The following RGS13 variants were observed in gnomAD, a reference collection of about 807,000 sequenced individuals.
RGS13 encodes the protein regulator of G-protein signalling 13.
Under a neutral mutation model 19.9 loss-of-function variants are expected in RGS13, and 14 were observed. The ratio of observed to expected loss-of-function variants is 0.70; its 90% CI spans 0.46 to 1.10. The LOEUF is 1.10. Among genes scored for constraint, RGS13 ranks in the 50% least tolerant of loss-of-function variants. The probability of loss-of-function intolerance (pLI) is 0.00; values close to 1 mark genes in which losing one functional copy is unlikely to be tolerated. For missense variants in RGS13, 205 were observed against 187.1 expected (o/e 1.10, Z -0.56); for synonymous variants, 60 against 56.8 (o/e 1.06, Z -0.25).
chr1:192,645,205 T>C (rs1288433851), intron 4 of RGS13: 1 of 152,180 alleles, frequency 6.6e-6, no homozygotes, highest in Non-Finnish European at 1.5e-5. Flanking sequence ...AGGACAAAGG[T>C]ATAATCTGCT....
chr1:192,654,870 A>C (rs1477312201), intron 5 of RGS13, among the ~76,000 whole-genome samples: 1 of 152,046 alleles, frequency 6.6e-6, no homozygotes, highest in Non-Finnish European at 1.5e-5. Flanking sequence ...TTAAGGGAAA[A>C]GTATACACTA....
chr1:192,659,632 C>G lies in RGS13; in HGVS notation c.*109C>G. 1.3e-6 allele frequency: 1 copy of G among 765,638 alleles called. No homozygotes were observed. The highest frequency in any genetic ancestry group is 2.1e-6 in the Non-Finnish European group (1 of 477,788). The allele number at this position is 765,638 out of a possible 1,614,324, so 47.4% of individuals were successfully genotyped here. A position where few individuals can be genotyped will look rare whatever the true frequency, so the allele number is the denominator to read the frequency against. ...AACACAGTACAAATAAAACAGAAATCAAACTATAAGTTGACTTTTAGTTCC... is the reference window on the plus strand; with the variant it reads ...AACACAGTACAAATAAAACAGAAATGAAACTATAAGTTGACTTTTAGTTCC... On this transcript the variant is annotated 3_prime_UTR_variant, in exon 7 of 7. Coordinates refer to ENST00000391995, the MANE Select transcript of RGS13 (RefSeq NM_002927.5).
At chr1:192,649,121 G>A (rs1663271549) in intron 5 of RGS13, among the ~76,000 whole-genome samples, 1 of 152,116 alleles carries the variant, frequency 6.6e-6, no homozygotes, top group African/African-American at 2.4e-5. Context: ...TTTGTAGCAT[G>A]CCTTTCCAAT....
At chr1:192,639,519 T>C (rs1663070033) in intron 3 of RGS13, among the ~76,000 whole-genome samples, 3 of 152,106 alleles carry the variant, frequency 2.0e-5, no homozygotes. Context: ...GATTATATGT[T>C]GACATGTTGA....
chr1:192,644,241 T>G, intron 3 of RGS13, 90 bp from the exon 4 acceptor site: 1 of 918,524 alleles, frequency 1.1e-6, no homozygotes. Flanking sequence ...TTTTTATGAT[T>G]TATAATATTG....
intron 6 of RGS13, chr1:192,658,616 C>T: frequency 2.9e-6 from 1 of 350,404 alleles, no homozygotes; most frequent in East Asian, 4.4e-5. Flanking sequence ...AGCTTCTCCC[C>T]ATTAAATTAT....
chr1:192,640,585 G>A (rs909447242), intron 3 of RGS13, among the ~76,000 whole-genome samples: 1 of 151,920 alleles, frequency 6.6e-6, no homozygotes, highest in Admixed American at 6.6e-5. Context: ...ATTTGCAATC[G>A]GAAGAGTCCT....
At chr1:192,653,378 T>C (rs1324859329) in intron 5 of RGS13, among the ~76,000 whole-genome samples, 1 of 152,088 alleles carries the variant, frequency 6.6e-6, no homozygotes, top group Non-Finnish European at 1.5e-5. Flanking sequence ...CCATTGGGAA[T>C]GAAAAATAAT....
At chr1:192,658,939 T>A (rs1218668075) in intron 6 of RGS13, 1 of 160,798 alleles carries the variant, frequency 6.2e-6, no homozygotes, top group East Asian at 1.8e-4. Flanking sequence ...GCATATTCAG[T>A]TAAATCAACA....
chr1:192,643,536 T>A (rs958473042), intron 3 of RGS13, among the ~76,000 whole-genome samples: 2 of 151,746 alleles, frequency 1.3e-5, no homozygotes, highest in African/African-American at 4.8e-5. Flanking sequence ...TAAAACCAGA[T>A]AAGCAGCACC....
intron 3 of RGS13, among the ~76,000 whole-genome samples, chr1:192,642,491 T>G (rs866707427): frequency 6.6e-6 from 1 of 151,802 alleles, no homozygotes; most frequent in Non-Finnish European, 1.5e-5. Context: ...CCAGCTAATT[T>G]TTTTTTTCTT....
In RGS13 at chr1:192,643,102, C is replaced by T. The variant is rs144133998; in HGVS notation, c.-4-1229C>T. On this transcript the variant is annotated intron_variant, in intron 3 of 6. Coordinates refer to ENST00000391995, the MANE Select transcript of RGS13 (RefSeq NM_002927.5). ...TCTAGAACTCCTGGGCTCAAGCAATCCTCCCCGCTTCAGCCTCCCAAATTG... is the reference window on the plus strand; with the variant it reads ...TCTAGAACTCCTGGGCTCAAGCAATTCTCCCCGCTTCAGCCTCCCAAATTG... Among the ~76,000 whole-genome samples the T allele has an allele frequency of 3.7e-4, 56 of 152,186 alleles. 1 individual carries two copies. In the East Asian group the frequency reaches 0.01, roughly 28 times the overall value.
Position 192,659,349 on chromosome 1 carries a change from C to T in RGS13, c.306C>T (p.Asp102=). ...QPQSPREINI[D]SSTRETIIRN... ...ATTTCACTTTTCAGATTAACATTGACAGTTCGACAAGAGAGACTATCATCA... is the reference window on the plus strand; with the variant it reads ...ATTTCACTTTTCAGATTAACATTGATAGTTCGACAAGAGAGACTATCATCA... The change falls in exon 7 of 7, where the codon GAC becomes GAT. Residue 102 remains aspartate, a synonymous_variant. Transcript: ENST00000391995. The T allele has an allele frequency of 6.2e-7, 1 of 1,609,892 alleles. No individual in the cohort carries two copies.
intron 3 of RGS13, among the ~76,000 whole-genome samples, chr1:192,643,608 C>T (rs942989163): frequency 5.3e-5 from 8 of 152,070 alleles, no homozygotes; most frequent in African/African-American, 1.9e-4. Flanking sequence ...TTTTACTTGT[C>T]CAGTTAAAAT....
chr1:192,640,519 A>G (rs1320394324), intron 3 of RGS13, among the ~76,000 whole-genome samples: 1 of 152,190 alleles, frequency 6.6e-6, no homozygotes, highest in Non-Finnish European at 1.5e-5. Flanking sequence ...CTAACTATGC[A>G]CACAAACATA....
intron 3 of RGS13, among the ~76,000 whole-genome samples, chr1:192,641,290 G>GAAAGAAAGAAAGAAAGAAAGA: frequency 9.1e-6 from 1 of 110,444 alleles, no homozygotes; most frequent in Non-Finnish European, 2.1e-5. Context: ...AAGAAAGAAA[G>GAAAGAAAGAAAGAAAGAAAGA]AAAGAAAGAA....
At position 192,644,403 on chromosome 1, in the gene RGS13, A is replaced by T. The variant is rs1364476451; in HGVS notation, c.65+4A>T. The T allele has an allele frequency of 6.2e-7, 1 of 1,602,334 alleles. No homozygotes were observed. The highest frequency in any genetic ancestry group is 2.2e-5 in the East Asian group (1 of 44,714). On this transcript the variant is annotated splice_donor_region_variant and intron_variant, in intron 4 of 6. Transcript: ENST00000391995. Reference sequence around the variant, plus strand: ...AATCTAAGAGGCCCCCTTCAAAGTAAGTAGCATTTAAGTTTCTATGGTAAT... The same window carrying T: ...AATCTAAGAGGCCCCCTTCAAAGTATGTAGCATTTAAGTTTCTATGGTAAT...
chr1:192,649,495 A>G (rs145103427), intron 5 of RGS13, among the ~76,000 whole-genome samples: 4 of 152,270 alleles, frequency 2.6e-5, no homozygotes, highest in African/African-American at 9.6e-5. Flanking sequence ...ATATAGATTA[A>G]GCACACAATA....
chr1:192,650,453 C>G (rs6688640), intron 5 of RGS13, among the ~76,000 whole-genome samples: 1 of 151,840 alleles, frequency 6.6e-6, no homozygotes, highest in African/African-American at 2.4e-5. Flanking sequence ...TTACATTAAC[C>G]AAGGACATTA....
Sources: allele counts gnomAD v4.1 joint callset (sites outside exome capture counted in the v4.1 genomes callset), GRCh38; gene constraint gnomAD v4.1.1; transcripts MANE v1.5; gene names NCBI Gene and HGNC (gene_info 2026-07-23, HGNC 2026-07-21).